ODF2L: variants seen among roughly 807,000 people sequenced by gnomAD.
ODF2L encodes protein BCAP.
In ODF2L, 76 loss-of-function variants were observed where a neutral mutation model predicts 86.3. That is an observed-to-expected ratio of 0.88 (90% CI 0.73 to 1.07). The LOEUF (loss-of-function observed/expected upper bound fraction) is 1.07. Among genes scored for constraint, ODF2L ranks in the 50% least tolerant of loss-of-function variants. The pLI, the probability that ODF2L is intolerant of heterozygous loss-of-function variation, is 0.00. For missense variants in ODF2L, 748 were observed against 717.4 expected, an observed-to-expected ratio of 1.04 and a Z score of -0.49; for synonymous variants, 241 against 231.3, an observed-to-expected ratio of 1.04 and a Z score of -0.38.
chr1:86,396,252 C>T (rs1661736336), exon 1 of ODF2L: 1 of 152,460 alleles, frequency 6.6e-6, no homozygotes, highest in Non-Finnish European at 1.5e-5. Flanking sequence ...AATTCCTAGA[C>T]CTGCTTGCCG....
At chr1:86,372,943 A>G (rs1047963385) in intron 8 of ODF2L, among the ~76,000 whole-genome samples, 6 of 152,150 alleles carry the variant, frequency 3.9e-5, no homozygotes, top group African/African-American at 1.4e-4. Context: ...TAAGATTGAT[A>G]TAAAGGACTT....
chr1:86,351,947 A>G (rs1201721718), exon 18 of ODF2L: 1 of 1,214,420 alleles, frequency 8.2e-7, no homozygotes, highest in Non-Finnish European at 1.0e-6. Context: ...AGAGGCTTCA[A>G]TTACACAAAA....
chr1:86,371,565 T>C (rs767563426), intron 9 of ODF2L, among the ~76,000 whole-genome samples: 4 of 152,170 alleles, frequency 2.6e-5, no homozygotes, highest in Admixed American at 2.6e-4. Context: ...GAATTATATA[T>C]GGTAGTTTTC....
At chr1:86,361,043 T>A (rs1372363648) in intron 11 of ODF2L, 1 of 152,206 alleles carries the variant, frequency 6.6e-6, no homozygotes, top group Non-Finnish European at 1.5e-5. Context: ...ACAATTCAGA[T>A]AAAACTGTAT....
downstream of ODF2L, chr1:86,349,075 T>G (rs1167754849): frequency 2.9e-6 from 1 of 345,216 alleles, no homozygotes; most frequent in African/African-American, 2.1e-5. Flanking sequence ...ATGGTTGATC[T>G]TCACTGATAT....
exon 14 of ODF2L, chr1:86,356,445 T>C (rs1452497506): frequency 1.3e-6 from 2 of 1,598,972 alleles, no homozygotes; most frequent in Non-Finnish European, 1.7e-6. Flanking sequence ...GCTGGACACC[T>C]GGCCCTGAAG....
At chr1:86,394,096 C>G (rs1188575031) in intron 1 of ODF2L, among the ~76,000 whole-genome samples, 4 of 152,162 alleles carry the variant, frequency 2.6e-5, no homozygotes, top group African/African-American at 9.7e-5. Flanking sequence ...TTATAAACAT[C>G]ATCTCACAAA....
intron 8 of ODF2L, among the ~76,000 whole-genome samples, chr1:86,373,067 G>A (rs1659914954): frequency 6.6e-6 from 1 of 152,062 alleles, no homozygotes; most frequent in African/African-American, 2.4e-5. Flanking sequence ...AACCACTAAA[G>A]AAGTTGTCCA....
intron 14 of ODF2L, chr1:86,355,386 G>T: frequency 6.6e-7 from 1 of 1,522,272 alleles, no homozygotes; most frequent in South Asian, 1.2e-5. Flanking sequence ...TTCAAAATCT[G>T]CTCTAAATAA....
chr1:86,348,549 C>G (rs1020087304), downstream of ODF2L: 1 of 323,088 alleles, frequency 3.1e-6, no homozygotes, highest in South Asian at 1.2e-4. Context: ...AAGAATTATC[C>G]AGCAAACAGG....
exon 12 of ODF2L, chr1:86,360,510 T>C (rs757146817): frequency 1.3e-6 from 2 of 1,594,784 alleles, no homozygotes; most frequent in Admixed American, 3.4e-5. Context: ...CAGATACAAC[T>C]TCATCCTTCA....
chr1:86,382,969 G>T, exon 6 of ODF2L: 1 of 1,570,350 alleles, frequency 6.4e-7, no homozygotes, highest in Non-Finnish European at 8.8e-7. Flanking sequence ...TCTTGGATAT[G>T]GGCCTCCTTT....
At chr1:86,348,269 G>A (rs1053273313), downstream of ODF2L, 7 of 151,876 alleles carry the variant, frequency 4.6e-5, no homozygotes, top group Admixed American at 2.6e-4. Context: ...ACAATATTAA[G>A]TGTAGTATAT....
intron 11 of ODF2L, among the ~76,000 whole-genome samples, chr1:86,366,618 T>TAAAAAAA (rs1659461345): frequency 9.0e-6 from 1 of 111,292 alleles, no homozygotes; most frequent in African/African-American, 3.2e-5. Flanking sequence ...AAAAAAAAAG[T>TAAAAAAA]GCCAATTGGA....
Position 86,371,157 on chromosome 1 carries a change from T to C in ODF2L, c.921-4A>G, listed in dbSNP as rs374454361. 4 of 1,412,908 alleles carry C rather than the reference T, an allele frequency of 2.8e-6. No individual in the cohort carries two copies. The highest frequency in any genetic ancestry group is 3.8e-6 in the Non-Finnish European group (4 of 1,051,228). The allele number at this position is 1,412,908 out of a possible 1,614,324, so 87.5% of individuals were successfully genotyped here. ...TTCCAAAAGATTAATGATTTGCCTTTATAAAATCAATGACACATTTTATAA... is the reference window on the plus strand; with the variant it reads ...TTCCAAAAGATTAATGATTTGCCTTCATAAAATCAATGACACATTTTATAA... On this transcript the variant is annotated splice_region_variant and splice_polypyrimidine_tract_variant and intron_variant, in intron 9 of 17. Coordinates refer to ENST00000317336, the Ensembl canonical transcript of ODF2L.
chr1:86,374,733 C>T (rs1477768413), intron 8 of ODF2L, among the ~76,000 whole-genome samples: 1 of 152,170 alleles, frequency 6.6e-6, no homozygotes, highest in Non-Finnish European at 1.5e-5. Flanking sequence ...TAACTAGTGA[C>T]CTTCTAATTA....
intron 12 of ODF2L, 40 bp from the exon 12 acceptor site, chr1:86,358,931 TCATAA>T (rs1275762939): frequency 1.1e-5 from 10 of 945,774 alleles, no homozygotes; most frequent in East Asian, 8.6e-5. Flanking sequence ...ATTTTTAGAA[TCATAA>T]CATGAGATAA....
chr1:86,365,633 G>C (rs1474103013), intron 11 of ODF2L, among the ~76,000 whole-genome samples: 2 of 152,082 alleles, frequency 1.3e-5, no homozygotes, highest in African/African-American at 4.8e-5. Context: ...TATTATAAAG[G>C]AAAAAGAATG....
chr1:86,394,018 CAT>C (rs1661522908), intron 1 of ODF2L, among the ~76,000 whole-genome samples: 1 of 152,210 alleles, frequency 6.6e-6, no homozygotes, highest in African/African-American at 2.4e-5. Context: ...ACCAGACAAA[CAT>C]AAAGCATATT....
Sources: allele counts gnomAD v4.1 joint callset (sites outside exome capture counted in the v4.1 genomes callset), GRCh38; gene constraint gnomAD v4.1.1; transcripts MANE v1.5; gene names NCBI Gene and HGNC (gene_info 2026-07-23, HGNC 2026-07-21).